FBLN7: variants seen among roughly 807,000 people sequenced by gnomAD.
The protein encoded by FBLN7 is fibulin-7.
FBLN7 carries 31 observed loss-of-function variants against 44.0 expected under a neutral mutation model. The observed-to-expected ratio is 0.70, with a 90% CI of 0.53 to 0.95. FBLN7 has a LOEUF of 0.95. Among genes scored for constraint, FBLN7 ranks in the 40% least tolerant of loss-of-function variants. The probability of loss-of-function intolerance (pLI) is 0.00; values close to 1 mark genes in which losing one functional copy is unlikely to be tolerated. For missense variants in FBLN7, 573 were observed against 618.5 expected (o/e 0.93, Z 0.78); for synonymous variants, 262 against 253.4 (o/e 1.03, Z -0.32).
At position 112,165,086 on chromosome 2, in the gene FBLN7, C is replaced by T. The variant is rs768874183; in HGVS notation, c.321C>T (p.Cys107=). Residue 107 remains cysteine, a synonymous_variant, in exon 3 of 8, where the codon TGC becomes TGT. Coordinates refer to ENST00000331203, the MANE Select transcript of FBLN7 (RefSeq NM_153214.3). Reference sequence around the variant, plus strand: ...TGGATCACGAAGTCCATTTTACCTGCAACCCTGGGTTCCGGCTGGTCGGGC... The same window carrying T: ...TGGATCACGAAGTCCATTTTACCTGTAACCCTGGGTTCCGGCTGGTCGGGC... ...YLVDHEVHFT[C]NPGFRLVGPS... is the part of the protein sequence containing the mutation. The T allele has an allele frequency of 4.3e-6, 7 of 1,614,226 alleles. No individual in the cohort carries two copies. Among genetic ancestry groups the T allele is most frequent in the Non-Finnish European group, 5.9e-6 (7 of 1,180,038 alleles).
At chr2:112,218,153 T>C in the FBLN7 span, among the ~76,000 whole-genome samples, 12 of 152,246 alleles carry the variant, frequency 7.9e-5, no homozygotes, top group Non-Finnish European at 1.8e-4. Context: ...AGGAATACAG[T>C]TGCAGAAGTA....
chr2:112,179,959 C>A (rs943466990), intron 4 of FBLN7, among the ~76,000 whole-genome samples: 1 of 152,132 alleles, frequency 6.6e-6, no homozygotes, highest in African/African-American at 2.4e-5. Context: ...ATACCAAAAG[C>A]AATTACAACA....
intron 1 of FBLN7, among the ~76,000 whole-genome samples, chr2:112,147,048 A>C (rs1453385025): frequency 1.3e-5 from 2 of 151,926 alleles, no homozygotes; most frequent in African/African-American, 4.8e-5. Context: ...ACTTCACTTG[A>C]TATGGTCCTG....
the FBLN7 span, among the ~76,000 whole-genome samples, chr2:112,206,607 C>T: frequency 6.6e-6 from 1 of 152,000 alleles, no homozygotes; most frequent in African/African-American, 2.4e-5. Flanking sequence ...CCGGGTTTTG[C>T]CATGTTGGCC....
chr2:112,155,259 C>G (rs1681355456), intron 1 of FBLN7, among the ~76,000 whole-genome samples: 1 of 152,152 alleles, frequency 6.6e-6, no homozygotes, highest in Admixed American at 6.5e-5. Context: ...TGTAAGGATT[C>G]CAGCTTCATC....
intron 1 of FBLN7, among the ~76,000 whole-genome samples, chr2:112,155,685 C>T (rs1351978206): frequency 6.6e-6 from 1 of 152,240 alleles, no homozygotes; most frequent in Admixed American, 6.5e-5. Flanking sequence ...ATCTCACCCT[C>T]AATGAGCACC....
chr2:112,167,884 TG>T (rs67792592), intron 3 of FBLN7, among the ~76,000 whole-genome samples: 47 of 32,270 alleles, frequency 1.5e-3, no homozygotes, highest in African/African-American at 5.4e-3. Context: ...TGTTATGTTA[TG>T]TTATGTTATG....
intron 1 of FBLN7, among the ~76,000 whole-genome samples, chr2:112,150,979 C>T (rs1264614424): frequency 2.6e-5 from 4 of 152,110 alleles, no homozygotes; most frequent in Non-Finnish European, 4.4e-5. Context: ...GTTAAGCAAG[C>T]AGGTAGGGAA....
chr2:112,162,150 G>A (rs1337712470), intron 2 of FBLN7, among the ~76,000 whole-genome samples: 2 of 152,122 alleles, frequency 1.3e-5, no homozygotes, highest in Admixed American at 6.6e-5. Context: ...AGGTAGCTAG[G>A]ATTACAGGTG....
intron 1 of FBLN7, among the ~76,000 whole-genome samples, chr2:112,140,880 T>C (rs1680612031): frequency 6.6e-6 from 1 of 152,254 alleles, no homozygotes; most frequent in Non-Finnish European, 1.5e-5. Context: ...GGCGGCTTGC[T>C]GTTTAATTTT....
At chr2:112,227,611 C>G in the FBLN7 span, among the ~76,000 whole-genome samples, 3 of 152,132 alleles carry the variant, frequency 2.0e-5, no homozygotes, top group Non-Finnish European at 4.4e-5. Context: ...CCTACTAGAG[C>G]TAATAAATGA....
the FBLN7 span, among the ~76,000 whole-genome samples, chr2:112,232,953 T>C: frequency 6.6e-6 from 1 of 152,216 alleles, no homozygotes; most frequent in African/African-American, 2.4e-5. Flanking sequence ...TATTTGAATA[T>C]AGATTCAATT....
intron 5 of FBLN7, 85 bp from the exon 6 acceptor site, chr2:112,182,706 G>A: frequency 6.8e-7 from 1 of 1,480,996 alleles, no homozygotes; most frequent in South Asian, 1.4e-5. Context: ...CTGCCTCCAG[G>A]AATTGAAGCA....
At chr2:112,243,943 A>C in the FBLN7 span, among the ~76,000 whole-genome samples, 2 of 152,094 alleles carry the variant, frequency 1.3e-5, no homozygotes, top group East Asian at 3.8e-4. Context: ...TATCAAAACA[A>C]GAATAAGATC....
intron 2 of FBLN7, among the ~76,000 whole-genome samples, chr2:112,160,836 G>GCGCGCACA (rs1681822088): frequency 1.1e-4 from 14 of 121,790 alleles, no homozygotes; most frequent in Middle Eastern, 4.6e-3. Context: ...ACGCATACAC[G>GCGCGCACA]CACGCACACG....
the FBLN7 span, chr2:112,216,111 C>G: frequency 2.0e-5 from 3 of 152,184 alleles, no homozygotes; most frequent in African/African-American, 7.2e-5. Flanking sequence ...CTCAAACCTC[C>G]TCTACCTCTT....
chr2:112,153,179 T>C (rs557008470), intron 1 of FBLN7: 1 of 152,282 alleles, frequency 6.6e-6, no homozygotes, highest in Admixed American at 6.5e-5. Context: ...TAAAAATAAG[T>C]TCTGTAGAGA....
chr2:112,208,738 T>C, the FBLN7 span, among the ~76,000 whole-genome samples: 1 of 152,178 alleles, frequency 6.6e-6, no homozygotes, highest in East Asian at 1.9e-4. Context: ...TTTTTAATAT[T>C]ATCTACATGC....
chr2:112,155,164 GA>G (rs367901628), intron 1 of FBLN7, among the ~76,000 whole-genome samples: 53 of 152,250 alleles, frequency 3.5e-4, no homozygotes, highest in African/African-American at 1.2e-3. Context: ...TCTCAGCTTG[GA>G]AAAAGGGGGC....
Sources: gnomAD v4.1 joint callset for allele counts (sites outside exome capture counted in the v4.1 genomes callset) on GRCh38, gnomAD v4.1.1 for gene constraint, MANE v1.5 for transcripts, NCBI Gene and HGNC (gene_info 2026-07-23, HGNC 2026-07-21) for gene names.